CDH10: variants seen among roughly 807,000 people sequenced by gnomAD.
CDH10 encodes cadherin 10, also known as cadherin-10.
In CDH10, 30 loss-of-function variants were observed where a neutral mutation model predicts 73.1. That is an observed-to-expected ratio of 0.41 (90% CI 0.31 to 0.56). CDH10 has a LOEUF of 0.56. Among genes scored for constraint, CDH10 ranks in the 20% least tolerant of loss-of-function variants. The pLI is 0.27. For synonymous variants in CDH10, 345 were observed against 348.2 expected (o/e 0.99, Z 0.10); for missense variants, 815 against 973.7 (o/e 0.84, Z 2.17).
At chr5:24,595,104 GTT>G (rs1491454188) in intron 1 of CDH10, among the ~76,000 whole-genome samples, 1 of 150,434 alleles carries the variant, frequency 6.6e-6, no homozygotes, top group African/African-American at 2.5e-5. Context: ...TACTTATTTT[GTT>G]TTGTGTGTGT....
At chr5:24,490,729 T>A (rs540543578) in intron 11 of CDH10, among the ~76,000 whole-genome samples, 1 of 152,290 alleles carries the variant, frequency 6.6e-6, no homozygotes, top group African/African-American at 2.4e-5. Context: ...ATCATAAAAA[T>A]ATTGCTACAA....
intron 2 of CDH10, among the ~76,000 whole-genome samples, chr5:24,569,900 A>C (rs1745309097): frequency 6.6e-6 from 1 of 151,884 alleles, no homozygotes. Flanking sequence ...GTTGCATGGG[A>C]CGACAGGCGC....
intron 11 of CDH10, 116 bp from the exon 12 acceptor site, chr5:24,488,269 C>G (rs1347280719): frequency 2.2e-6 from 2 of 905,668 alleles, no homozygotes; most frequent in African/African-American, 3.4e-5. Context: ...CTTAGACTTT[C>G]AGATTAATTT....
At chr5:24,561,070 T>A (rs1744944365) in intron 2 of CDH10, among the ~76,000 whole-genome samples, 1 of 152,104 alleles carries the variant, frequency 6.6e-6, no homozygotes, top group African/African-American at 2.4e-5. Flanking sequence ...AATTCAGTAT[T>A]TAAAGTGCTT....
chr5:24,559,951 G>C (rs558143411), intron 2 of CDH10, among the ~76,000 whole-genome samples: 1 of 152,120 alleles, frequency 6.6e-6, no homozygotes, highest in East Asian at 1.9e-4. Flanking sequence ...TTTAAAGTGT[G>C]ACTTTATACT....
chr5:24,601,517 G>T (rs2112118428), intron 1 of CDH10, among the ~76,000 whole-genome samples: 1 of 152,220 alleles, frequency 6.6e-6, no homozygotes, highest in South Asian at 2.1e-4. Flanking sequence ...CAGACCCACT[G>T]GGAGTTGGAA....
intron 2 of CDH10, among the ~76,000 whole-genome samples, chr5:24,567,879 T>C (rs554588956): frequency 6.5e-4 from 99 of 152,254 alleles, no homozygotes; most frequent in South Asian, 1.2e-3. Context: ...CCTATAACTA[T>C]GTATGCATTT....
At chr5:24,626,773 CA>C in intron 1 of CDH10, among the ~76,000 whole-genome samples, 1 of 144,684 alleles carries the variant, frequency 6.9e-6, no homozygotes, top group Non-Finnish European at 1.5e-5. Flanking sequence ...GACTCTGTCT[CA>C]AAAACCTATA....
chr5:24,589,236 GA>G (rs1308316750), intron 2 of CDH10, among the ~76,000 whole-genome samples: 1 of 152,134 alleles, frequency 6.6e-6, no homozygotes, highest in East Asian at 1.9e-4. Context: ...CGAGGCTGGA[GA>G]AAAATATATG....
At chr5:24,565,003 C>G (rs1299053406) in intron 2 of CDH10, among the ~76,000 whole-genome samples, 1 of 152,156 alleles carries the variant, frequency 6.6e-6, no homozygotes, top group African/African-American at 2.4e-5. Context: ...AATCCCTGTA[C>G]AGTAAATTTC....
chr5:24,622,746 A>C (rs1215731768), intron 1 of CDH10, among the ~76,000 whole-genome samples: 1 of 152,182 alleles, frequency 6.6e-6, no homozygotes, highest in African/African-American at 2.4e-5. Flanking sequence ...GCATTACTTC[A>C]TGTATTTTAA....
At chr5:24,543,776 A>G (rs1209539440) in intron 2 of CDH10, among the ~76,000 whole-genome samples, 1 of 152,166 alleles carries the variant, frequency 6.6e-6, no homozygotes, top group African/African-American at 2.4e-5. Flanking sequence ...GCCAGCAAAC[A>G]CAATCTGGTC....
In CDH10 at chr5:24,596,996, CCT is replaced by C. The variant is rs1364691462; in HGVS notation, c.-123-3385_-123-3384del. 3.3e-5 allele frequency among the ~76,000 whole-genome samples: 5 copies of C among 151,896 alleles called. 1 individual carries two copies. In the East Asian group the frequency reaches 5.8e-4, roughly 18 times the overall value. The stretch of plus-strand genomic sequence containing the variant: ...GTGGGTTGAAACTATTATTAAACTA[CCT>C]CTCTGACTAAAAATGCTAAAATTAA... On this transcript the variant is annotated intron_variant, in intron 1 of 11. Transcript: ENST00000264463.
At chr5:24,608,818 T>C (rs1022985742) in intron 1 of CDH10, among the ~76,000 whole-genome samples, 4 of 152,180 alleles carry the variant, frequency 2.6e-5, no homozygotes, top group South Asian at 2.1e-4. Flanking sequence ...TTAAATTTCG[T>C]CAGGGTGAAA....
chr5:24,625,221 G>A (rs538177327), intron 1 of CDH10, among the ~76,000 whole-genome samples: 1 of 152,002 alleles, frequency 6.6e-6, no homozygotes, highest in African/African-American at 2.4e-5. Flanking sequence ...AAAGGGAATT[G>A]GCCCAATATA....
At chr5:24,574,120 C>A (rs1745507041) in intron 2 of CDH10, among the ~76,000 whole-genome samples, 2 of 151,906 alleles carry the variant, frequency 1.3e-5, no homozygotes, top group African/African-American at 4.8e-5. Context: ...CTCCTGACCT[C>A]GTGATCCGCC....
At chr5:24,523,812 A>G (rs1324954753) in intron 5 of CDH10, among the ~76,000 whole-genome samples, 5 of 152,120 alleles carry the variant, frequency 3.3e-5, no homozygotes, top group African/African-American at 4.8e-5. Context: ...AATTTTTACT[A>G]CTTTCAAGAC....
chr5:24,560,105 TC>T (rs1744902474), intron 2 of CDH10, among the ~76,000 whole-genome samples: 1 of 152,272 alleles, frequency 6.6e-6, no homozygotes, highest in Admixed American at 6.5e-5. Flanking sequence ...TAATCCACGA[TC>T]CCAGATGCTC....
rs778397459 is a variant in CDH10, at chr5:24,535,854, C to T, written c.527-32G>A. 3.2e-6 allele frequency: 5 copies of T among 1,560,888 alleles called. No individual in the cohort carries two copies. In the East Asian group the frequency reaches 1.1e-4, roughly 35 times the overall value. ...TATCCAAATTCAGCTTAGTTCTGCA[C>T]AGTACCAGAAGGAGGAGCAAAAGCA... is the stretch of plus-strand genomic sequence containing the variant. On this transcript the variant is annotated intron_variant, in intron 3 of 11. Coordinates refer to ENST00000264463, the MANE Select transcript of CDH10 (RefSeq NM_006727.5).
Sources: allele counts gnomAD v4.1 joint callset (sites outside exome capture counted in the v4.1 genomes callset), GRCh38; gene constraint gnomAD v4.1.1; transcripts MANE v1.5; gene names NCBI Gene and HGNC (gene_info 2026-07-23, HGNC 2026-07-21).